Variants in CAMK2B observed in about 807,000 individuals in gnomAD.
CAMK2B encodes the protein calcium/calmodulin dependent protein kinase II beta.
CAMK2B carries 27 observed loss-of-function variants against 93.7 expected under a neutral mutation model. That is an observed-to-expected ratio of 0.29 (90% confidence interval 0.21 to 0.40). The LOEUF (loss-of-function observed/expected upper bound fraction) is 0.40. CAMK2B is among the 10% of genes least tolerant of loss of function. The pLI is 1.00. For missense variants in CAMK2B, 568 were observed against 895.8 expected, an observed-to-expected ratio of 0.63 and a Z score of 4.67; for synonymous variants, 374 against 358.8, an observed-to-expected ratio of 1.04 and a Z score of -0.48.
At chr7:44,228,962 C>T in intron 18 of CAMK2B, 38 bp from the exon 19 acceptor site, 1 of 1,603,748 alleles carries the variant, frequency 6.2e-7, no homozygotes, top group Non-Finnish European at 8.5e-7. Flanking sequence ...ATGAGGCAGA[C>T]AGACACACGA....
In CAMK2B at chr7:44,232,816, C is replaced by G; in HGVS notation, c.1176+6G>C. 6.2e-7 allele frequency: 1 copy of G among 1,613,856 alleles called. No homozygotes were observed. The highest frequency in any genetic ancestry group is 1.1e-5 in the South Asian group (1 of 91,072). On this transcript the variant is annotated splice_donor_region_variant and intron_variant, in intron 16 of 23. Coordinates refer to ENST00000395749, the MANE Select transcript of CAMK2B (RefSeq NM_001220.5). ...GGAAAGCGGGAGGAGGAAAGTGGGG[C>G]AGTACCTTAATCCCGTCCACTGGGT...
intron 2 of CAMK2B, among the ~76,000 whole-genome samples, chr7:44,272,991 C>T (rs1003413938): frequency 2.6e-5 from 4 of 152,232 alleles, no homozygotes; most frequent in East Asian, 1.9e-4. Context: ...AACAACATTA[C>T]GTGCTACCTT....
At chr7:44,220,771 C>T (rs747897694) in intron 21 of CAMK2B, 55 bp downstream of exon 21, 2 of 1,563,452 alleles carry the variant, frequency 1.3e-6, no homozygotes, top group East Asian at 4.7e-5. Context: ...GCAGGCCCCC[C>T]CAAGGGTCCC....
intron 13 of CAMK2B, among the ~76,000 whole-genome samples, chr7:44,235,372 T>C (rs1227455441): frequency 5.3e-5 from 8 of 152,246 alleles, no homozygotes; most frequent in African/African-American, 9.6e-5. Context: ...CTGAGGATAC[T>C]TGGTCCCAGC....
chr7:44,226,462 C>T (rs925364250), intron 20 of CAMK2B, 54 bp downstream of exon 20: 77 of 1,322,134 alleles, frequency 5.8e-5, no homozygotes, highest in Middle Eastern at 2.0e-4. Context: ...CAGGCTCGCA[C>T]GCCCCGAGCC....
chr7:44,268,588 C>T (rs1297857470), intron 2 of CAMK2B: 2 of 152,300 alleles, frequency 1.3e-5, no homozygotes, highest in African/African-American at 4.8e-5. Context: ...TCGGGTTATG[C>T]TTGCCTAGAT....
At chr7:44,227,803 A>AGAG (rs2096532595) in intron 19 of CAMK2B, among the ~76,000 whole-genome samples, 1 of 98,292 alleles carries the variant, frequency 1.0e-5, no homozygotes. Context: ...TGTGGGGGAC[A>AGAG]GAGGGAGAAT....
intron 5 of CAMK2B, among the ~76,000 whole-genome samples, chr7:44,250,962 A>G (rs1038501326): frequency 1.3e-5 from 2 of 152,232 alleles, no homozygotes; most frequent in Non-Finnish European, 2.9e-5. Flanking sequence ...TCCTCCTAAG[A>G]GGAATTTCCA....
chr7:44,259,145 C>T (rs1285229344), intron 3 of CAMK2B, among the ~76,000 whole-genome samples: 1 of 152,142 alleles, frequency 6.6e-6, no homozygotes, highest in African/African-American at 2.4e-5. Context: ...ACCCACAGGG[C>T]CTCAGGGCAG....
rs1166441686 is a variant in CAMK2B, at chr7:44,271,978, T to A, written c.161-8914A>T. On this transcript the variant is annotated intron_variant, in intron 2 of 23. Coordinates refer to ENST00000395749, the MANE Select transcript of CAMK2B (RefSeq NM_001220.5). The surrounding 1 kb of genome is among the most constrained non-coding windows in gnomAD (Gnocchi z 4.2). ...CCCATGAAACAGGGCTGTTGCTGCG[T>A]CACCCCAGCTTTCAGATGGGGGCAT... is the stretch of plus-strand genomic sequence containing the variant. Among the ~76,000 whole-genome samples, 4 of 152,214 alleles carry A rather than the reference T, an allele frequency of 2.6e-5. No individual in the cohort carries two copies. The highest frequency in any genetic ancestry group is 5.9e-5 in the Non-Finnish European group (4 of 68,020).
chr7:44,243,785 G>C (rs1297177584), intron 6 of CAMK2B, among the ~76,000 whole-genome samples: 1 of 152,184 alleles, frequency 6.6e-6, no homozygotes, highest in Non-Finnish European at 1.5e-5. Flanking sequence ...GAGGAAACTT[G>C]GCTCTCAGCC....
chr7:44,245,481 A>C (rs1369560536), intron 6 of CAMK2B, among the ~76,000 whole-genome samples: 2 of 152,194 alleles, frequency 1.3e-5, no homozygotes, highest in African/African-American at 4.8e-5. Context: ...ACTGACCTCT[A>C]CTTCTATGCC....
At chr7:44,273,056 G>A (rs536101958) in intron 2 of CAMK2B, among the ~76,000 whole-genome samples, 3 of 152,228 alleles carry the variant, frequency 2.0e-5, no homozygotes, top group South Asian at 2.1e-4. Flanking sequence ...GTCCCCCACC[G>A]GACTCTGCTG....
chr7:44,243,722 C>A (rs1021729443), intron 6 of CAMK2B, among the ~76,000 whole-genome samples, 195 bp from the exon 7 acceptor site: 3 of 152,172 alleles, frequency 2.0e-5, no homozygotes, highest in African/African-American at 7.2e-5. Context: ...GAGCCTGCAA[C>A]CCCACAGCCC....
At chr7:44,291,238 G>T (rs928085303) in intron 1 of CAMK2B, among the ~76,000 whole-genome samples, 1 of 152,086 alleles carries the variant, frequency 6.6e-6, no homozygotes, top group Non-Finnish European at 1.5e-5. Flanking sequence ...TTGGGGTTCC[G>T]CCAAGGGGGG....
intron 3 of CAMK2B, among the ~76,000 whole-genome samples, chr7:44,262,697 G>A (rs1377363838): frequency 5.3e-5 from 8 of 152,246 alleles, no homozygotes; most frequent in Non-Finnish European, 1.2e-4. Flanking sequence ...CAATGCCACC[G>A]ACAAGACCCA....
At chr7:44,325,068 G>A (rs117647808) in intron 1 of CAMK2B, 17,496 of 151,096 alleles carry the variant, frequency 0.12, 1,424 homozygotes, top group Non-Finnish European at 0.17. Flanking sequence ...GGCGCTCCGG[G>A]GACACCTGCT....
intron 5 of CAMK2B, among the ~76,000 whole-genome samples, chr7:44,250,434 C>T (rs1004802461): frequency 1.3e-5 from 2 of 151,944 alleles, no homozygotes; most frequent in African/African-American, 4.8e-5. Context: ...GCATTTGGGA[C>T]GTTATTCTCA....
At chr7:44,219,951 GGC>G in intron 23 of CAMK2B, 107 bp downstream of exon 23, 1 of 736,944 alleles carries the variant, frequency 1.4e-6, no homozygotes, top group South Asian at 1.8e-5. Flanking sequence ...GGACTTCCCA[GGC>G]ATGGCTCTGC....
Sources: allele counts gnomAD v4.1 joint callset (sites outside exome capture counted in the v4.1 genomes callset), GRCh38; gene constraint gnomAD v4.1.1; non-coding constraint Gnocchi (gnomAD v3.1); transcripts MANE v1.5; gene names NCBI Gene and HGNC (gene_info 2026-07-23, HGNC 2026-07-21).